The following MAP3K3 variants were observed in gnomAD, a reference collection of about 807,000 sequenced individuals.
MAP3K3 encodes the protein mitogen-activated protein kinase kinase kinase 3.
In MAP3K3, 12 loss-of-function variants were observed where a neutral mutation model predicts 80.9. That is an observed-to-expected ratio of 0.15 (90% CI 0.10 to 0.24). The LOEUF (loss-of-function observed/expected upper bound fraction) is 0.24, where lower values mean the gene tolerates loss of function less well. Among genes scored for constraint, MAP3K3 ranks in the 10% least tolerant of loss-of-function variants. MAP3K3 has a pLI of 1.00. For synonymous variants in MAP3K3, 272 were observed against 307.1 expected (o/e 0.89, Z 1.19); for missense variants, 596 against 834.7 (o/e 0.71, Z 3.52).
chr17:63,629,470 A>G (rs1388684827), intron 1 of MAP3K3, among the ~76,000 whole-genome samples: 2 of 152,176 alleles, frequency 1.3e-5, no homozygotes, highest in Admixed American at 1.3e-4. Flanking sequence ...AGAATGCCAC[A>G]TTGGAGGAGT....
intron 5 of MAP3K3, among the ~76,000 whole-genome samples, chr17:63,663,079 A>G (rs1026351672): frequency 1.3e-5 from 2 of 152,172 alleles, no homozygotes; most frequent in Non-Finnish European, 2.9e-5. Context: ...AATACTGTCC[A>G]TGAGGAGAAC....
At chr17:63,628,386 GT>G (rs1471395977) in intron 1 of MAP3K3, among the ~76,000 whole-genome samples, 3 of 146,042 alleles carry the variant, frequency 2.1e-5, no homozygotes, top group Non-Finnish European at 4.5e-5. Flanking sequence ...TTGAGACGGA[GT>G]TTCGCTCTTG....
At chr17:63,636,827 C>G (rs1352877631) in intron 2 of MAP3K3, 5 of 346,200 alleles carry the variant, frequency 1.4e-5, no homozygotes, top group African/African-American at 8.7e-5. Flanking sequence ...GAGAAGAAGG[C>G]CAAGAAGACT....
chr17:63,639,498 T>TG (rs1444172901), intron 2 of MAP3K3, among the ~76,000 whole-genome samples: 9 of 152,086 alleles, frequency 5.9e-5, no homozygotes, highest in Non-Finnish European at 8.8e-5. Flanking sequence ...CCATAGATAA[T>TG]GGGTATCACT....
At chr17:63,686,997 TG>T (rs1296335217) in intron 8 of MAP3K3, among the ~76,000 whole-genome samples, 2 of 152,096 alleles carry the variant, frequency 1.3e-5, no homozygotes, top group Non-Finnish European at 2.9e-5. Flanking sequence ...CAAAATGGGA[TG>T]GTGATGATTA....
intron 5 of MAP3K3, among the ~76,000 whole-genome samples, chr17:63,662,750 C>T (rs550391622): frequency 1.3e-4 from 20 of 150,496 alleles, no homozygotes; most frequent in Admixed American, 6.0e-4. Flanking sequence ...CTCCATCTCC[C>T]GGGTTCAAGC....
intron 1 of MAP3K3, among the ~76,000 whole-genome samples, chr17:63,626,356 A>G (rs974673911): frequency 8.5e-5 from 13 of 152,246 alleles, no homozygotes; most frequent in African/African-American, 3.1e-4. Flanking sequence ...GTGTGTAAAG[A>G]TATACAGGAG....
intron 8 of MAP3K3, among the ~76,000 whole-genome samples, chr17:63,686,101 T>TA (rs1349330118): frequency 6.6e-6 from 1 of 152,178 alleles, no homozygotes; most frequent in Non-Finnish European, 1.5e-5. Flanking sequence ...GTGGTGTCCT[T>TA]TACATACCAA....
In MAP3K3 at chr17:63,690,405, C is replaced by T. The variant is rs769961099; in HGVS notation, c.1205C>T (p.Thr402Ile). 3 of 1,613,758 alleles carry T rather than the reference C, an allele frequency of 1.9e-6. No homozygotes were observed. The highest frequency in any genetic ancestry group is 3.3e-5 in the Admixed American group (2 of 59,932). The stretch of plus-strand genomic sequence containing the variant: ...CAATTTGATCCAGACAGTCCTGAGA[C>T]AAGCAAGGTACACTTAACCCGTGGT... ...QVQFDPDSPE[T>I]SKEVSALECE... is the part of the protein sequence containing the mutation. Residue 402 changes from threonine to isoleucine, a missense_variant, in exon 12 of 16, where the codon ACA becomes ATA. Thr to Ile is a moderately conservative substitution (Grantham distance 89, BLOSUM62 -1). Coordinates refer to ENST00000361733, the MANE Select transcript of MAP3K3 (RefSeq NM_002401.5).
At chr17:63,673,827 T>G (rs1200331245) in intron 6 of MAP3K3, among the ~76,000 whole-genome samples, 2 of 152,136 alleles carry the variant, frequency 1.3e-5, no homozygotes, top group Non-Finnish European at 2.9e-5. Flanking sequence ...GGAGAATTGC[T>G]TGAACCTGGG....
intron 6 of MAP3K3, 76 bp downstream of exon 6, chr17:63,667,136 A>G (rs1403434688): frequency 4.9e-6 from 7 of 1,430,192 alleles, no homozygotes; most frequent in Non-Finnish European, 6.6e-6. Context: ...GTATTTGTTA[A>G]TTAAATAATC....
At chr17:63,657,632 C>A (rs909135620) in intron 4 of MAP3K3, among the ~76,000 whole-genome samples, 162 bp from the exon 5 acceptor site, 3 of 152,156 alleles carry the variant, frequency 2.0e-5, no homozygotes, top group Admixed American at 6.5e-5. Flanking sequence ...AGAAAAAAAT[C>A]TGTATGGTTT....
At chr17:63,652,370 A>T (rs2034673695) in intron 3 of MAP3K3, among the ~76,000 whole-genome samples, 187 bp from the exon 4 acceptor site, 1 of 152,134 alleles carries the variant, frequency 6.6e-6, no homozygotes, top group Non-Finnish European at 1.5e-5. Context: ...AACCTGATAG[A>T]TGCTCAGAGG....
intron 2 of MAP3K3, among the ~76,000 whole-genome samples, chr17:63,635,279 C>T (rs567061141): frequency 7.9e-4 from 121 of 152,248 alleles, no homozygotes; most frequent in African/African-American, 2.5e-3. Context: ...TCCTTACACA[C>T]GTCATGAGTT....
Position 63,693,126 on chromosome 17 carries a change from T to C in MAP3K3, c.1653-423T>C, listed in dbSNP as rs193282344. On this transcript the variant is annotated intron_variant, in intron 15 of 15. Coordinates refer to ENST00000361733, the MANE Select transcript of MAP3K3 (RefSeq NM_002401.5). This position sits in a 1 kb window ranked among gnomAD's most constrained non-coding sequence, Gnocchi z 4.2. ...AACCCAGGAAAGGCAAGGAAACAGG[T>C]TCTCCCCTCAGAGCCTCTGACAGGA... Among the ~76,000 whole-genome samples the C allele has an allele frequency of 9.5e-4, 144 of 152,200 alleles. No homozygotes were observed. The highest frequency in any genetic ancestry group is 8.7e-4 in the Non-Finnish European group (59 of 67,994).
intron 3 of MAP3K3, among the ~76,000 whole-genome samples, chr17:63,650,865 A>T (rs1334288865): frequency 3.3e-5 from 5 of 151,754 alleles, no homozygotes; most frequent in Admixed American, 1.3e-4. Context: ...CTAATTTTTT[A>T]AAAAAATGTT....
At chr17:63,658,505 C>T (rs8074771) in intron 5 of MAP3K3, among the ~76,000 whole-genome samples, 42,708 of 152,030 alleles carry the variant, frequency 0.28, 6,417 homozygotes, top group Middle Eastern at 0.37. Flanking sequence ...CCTGGAGGCC[C>T]GCATTTCACA....
In MAP3K3 at chr17:63,657,780, G is replaced by T; in HGVS notation, c.268-14G>T. The T allele has an allele frequency of 8.3e-7, 1 of 1,206,380 alleles. No homozygotes were observed. Among genetic ancestry groups the T allele is most frequent in the Non-Finnish European group, 1.2e-6 (1 of 821,214 alleles). The allele number at this position is 1,206,380 out of a possible 1,614,324, so 74.7% of individuals were successfully genotyped here. On this transcript the variant is annotated splice_polypyrimidine_tract_variant and intron_variant, in intron 4 of 15. Coordinates refer to ENST00000361733, the MANE Select transcript of MAP3K3 (RefSeq NM_002401.5). ...GTTTTATATTATTTTCCTTTTCTAT[G>T]TCTTGTATCACAGCTCTCCATCCTG...
intron 4 of MAP3K3, among the ~76,000 whole-genome samples, chr17:63,653,181 C>T (rs748064493): frequency 3.3e-5 from 5 of 152,210 alleles, no homozygotes; most frequent in Admixed American, 6.5e-5. Flanking sequence ...TCCACCCCAA[C>T]GGTCCTTATT....
Sources: allele counts gnomAD v4.1 joint callset (sites outside exome capture counted in the v4.1 genomes callset), GRCh38; gene constraint gnomAD v4.1.1; non-coding constraint Gnocchi (gnomAD v3.1); transcripts MANE v1.5; gene names NCBI Gene and HGNC (gene_info 2026-07-23, HGNC 2026-07-21).